Variants in DBT observed in about 807,000 individuals in gnomAD.
DBT encodes the protein dihydrolipoamide branched chain transacylase E2.
Under a neutral mutation model 51.3 loss-of-function variants are expected in DBT, and 40 were observed. The observed-to-expected ratio is 0.78, with a 90% CI of 0.61 to 1.02. The LOEUF (loss-of-function observed/expected upper bound fraction) is 1.02. Among genes scored for constraint, DBT ranks in the 50% least tolerant of loss-of-function variants. DBT has a pLI of 0.00. For missense variants in DBT, 510 were observed against 580.2 expected, an observed-to-expected ratio of 0.88 and a Z score of 1.24; for synonymous variants, 181 against 190.4, an observed-to-expected ratio of 0.95 and a Z score of 0.41.
intron 2 of DBT, among the ~76,000 whole-genome samples, chr1:100,240,046 C>A (rs1329217570): frequency 6.6e-6 from 1 of 152,032 alleles, no homozygotes; most frequent in Non-Finnish European, 1.5e-5. Flanking sequence ...AAAAACAGTT[C>A]TTGTGCCCTT....
chr1:100,225,421 A>G (rs1237684956), intron 4 of DBT, among the ~76,000 whole-genome samples: 1 of 152,084 alleles, frequency 6.6e-6, no homozygotes, highest in Non-Finnish European at 1.5e-5. Context: ...GTGAAAAAAA[A>G]TTCTCCAGAA....
intron 8 of DBT, 130 bp downstream of exon 8, chr1:100,210,564 T>C (rs1662076294): frequency 8.0e-7 from 1 of 1,257,836 alleles, no homozygotes; most frequent in Non-Finnish European, 1.1e-6. Context: ...AGTTTAATGT[T>C]TTACCCCATA....
chr1:100,196,124 G>T lies in DBT; in HGVS notation c.*131C>A. ...GTCTAATAGAACAGTGACAAATATT[G>T]TGCCTTAGATCCTTAATCATACGAT... is the stretch of plus-strand genomic sequence containing the variant. On this transcript the variant is annotated 3_prime_UTR_variant, in exon 11 of 11. Transcript: ENST00000370132. The T allele has an allele frequency of 1.2e-6, 1 of 819,806 alleles. No homozygotes were observed. The highest frequency in any genetic ancestry group is 2.0e-6 in the Non-Finnish European group (1 of 491,296). The allele number at this position is 819,806 out of a possible 1,614,324, so 50.8% of individuals were successfully genotyped here. A position where few individuals can be genotyped will look rare whatever the true frequency, so the allele number is the denominator to read the frequency against.
At chr1:100,208,868 A>G (rs1661956327) in intron 8 of DBT, among the ~76,000 whole-genome samples, 1 of 146,864 alleles carries the variant, frequency 6.8e-6, no homozygotes, top group African/African-American at 2.5e-5. Flanking sequence ...GATATTCTCT[A>G]TGGGGAATAC....
At chr1:100,199,470 G>A (rs1661304922) in intron 10 of DBT, among the ~76,000 whole-genome samples, 1 of 152,186 alleles carries the variant, frequency 6.6e-6, no homozygotes, top group South Asian at 2.1e-4. Context: ...CTCAATATCT[G>A]TGCCTGGCAT....
chr1:100,233,611 C>G (rs1347316637), intron 3 of DBT, among the ~76,000 whole-genome samples: 1 of 152,198 alleles, frequency 6.6e-6, no homozygotes, highest in Non-Finnish European at 1.5e-5. Flanking sequence ...ATTTACTCAG[C>G]AAGGCCATTT....
In DBT at chr1:100,190,871, A is replaced by T. The variant is rs1226833333; in HGVS notation, c.*5384T>A. The T allele has an allele frequency of 1.3e-5, 2 of 152,222 alleles. No individual in the cohort carries two copies. Among genetic ancestry groups the T allele is most frequent in the African/African-American group, 4.8e-5 (2 of 41,450 alleles). The allele number at this position is 152,222 out of a possible 1,614,324, so 9.4% of individuals were successfully genotyped here. A position where few individuals can be genotyped will look rare whatever the true frequency, so the allele number is the denominator to read the frequency against. ...GGTAGGTGCTTAAAATTAGAAGAAA[A>T]GACCCGAACAGGTACTGTAAAGAGT... On this transcript the variant is annotated 3_prime_UTR_variant, in exon 11 of 11. Transcript: ENST00000370132.
chr1:100,207,658 C>CA (rs1008869944), intron 8 of DBT, among the ~76,000 whole-genome samples: 30 of 151,902 alleles, frequency 2.0e-4, no homozygotes, highest in African/African-American at 6.5e-4. Context: ...TCCATCTCTA[C>CA]AAAAAAATTT....
chr1:100,197,383 G>A lies in DBT; in HGVS notation c.1282-961C>T, dbSNP rs545477753. Among the ~76,000 whole-genome samples the A allele has an allele frequency of 3.0e-3, 454 of 152,304 alleles. 2 individuals carry two copies. Among genetic ancestry groups the A allele is most frequent in the Non-Finnish European group, 4.7e-3 (321 of 68,022 alleles). ...GATTGGCCATTCACTGAAAGAGGAC[G>A]ACTTTAGGAGGAGCAGGTCTGATGG... is the stretch of plus-strand genomic sequence containing the variant. On this transcript the variant is annotated intron_variant, in intron 10 of 10. Transcript: ENST00000370132.
At chr1:100,235,311 T>C (rs1048923543) in intron 3 of DBT, 125 bp downstream of exon 3, 28 of 597,580 alleles carry the variant, frequency 4.7e-5, no homozygotes, top group Non-Finnish European at 8.5e-5. Flanking sequence ...GCATTATGTG[T>C]TTATAAAGAC....
intron 7 of DBT, among the ~76,000 whole-genome samples, chr1:100,212,217 G>T (rs1662192617): frequency 6.6e-6 from 1 of 152,206 alleles, no homozygotes; most frequent in Admixed American, 6.5e-5. Context: ...CAAGGTATGT[G>T]TCAATGGATT....
chr1:100,237,603 G>A (rs1182195530), intron 2 of DBT, among the ~76,000 whole-genome samples: 1 of 152,088 alleles, frequency 6.6e-6, no homozygotes, highest in Non-Finnish European at 1.5e-5. Context: ...GAAGCAGGAG[G>A]CTACTTCAGG....
chr1:100,228,914 C>T (rs1261507758), intron 4 of DBT, among the ~76,000 whole-genome samples: 1 of 152,142 alleles, frequency 6.6e-6, no homozygotes, highest in Non-Finnish European at 1.5e-5. Flanking sequence ...GAATGATATA[C>T]ACGAATGCAT....
At chr1:100,244,757 A>G (rs906677266) in intron 1 of DBT, among the ~76,000 whole-genome samples, 1 of 152,116 alleles carries the variant, frequency 6.6e-6, no homozygotes, top group African/African-American at 2.4e-5. Context: ...ATAATAATAT[A>G]CTGTAATAAA....
chr1:100,216,735 G>A (rs1242963813), intron 5 of DBT, among the ~76,000 whole-genome samples: 1 of 152,168 alleles, frequency 6.6e-6, no homozygotes, highest in African/African-American at 2.4e-5. Flanking sequence ...TCTGACACTG[G>A]CTACCAGTTA....
intron 1 of DBT, among the ~76,000 whole-genome samples, chr1:100,241,975 C>T (rs1197090751): frequency 2.6e-5 from 4 of 151,584 alleles, no homozygotes; most frequent in East Asian, 1.9e-4. Context: ...GAGCCGGGAT[C>T]GAGCCACTGC....
intron 3 of DBT, among the ~76,000 whole-genome samples, chr1:100,233,740 T>C (rs148689055): frequency 3.9e-5 from 6 of 152,294 alleles, no homozygotes; most frequent in African/African-American, 9.6e-5. Context: ...CCAATTTCCA[T>C]TGGCTGGAAT....
At chr1:100,210,486 T>A in intron 8 of DBT, 1 of 649,198 alleles carries the variant, frequency 1.5e-6, no homozygotes, top group Non-Finnish European at 2.4e-6. Flanking sequence ...AAAAAAAGCT[T>A]AAAAATAGTT....
rs202047153 is a variant in DBT, at chr1:100,240,911, A to T, written c.52-27T>A. On this transcript the variant is annotated intron_variant, in intron 1 of 10. Coordinates refer to ENST00000370132, the MANE Select transcript of DBT (RefSeq NM_001918.5). ...TACAGATGAGAAAACAAAAAGTAAA[A>T]GCATTTATAAACAACCATACCGGCT... 373 of 1,609,218 alleles carry T rather than the reference A, an allele frequency of 2.3e-4. 3 individuals are homozygous for T. The highest frequency in any genetic ancestry group is 4.9e-4 in the Middle Eastern group (3 of 6,068).
Sources: gnomAD v4.1 joint callset for allele counts (sites outside exome capture counted in the v4.1 genomes callset) on GRCh38, gnomAD v4.1.1 for gene constraint, MANE v1.5 for transcripts, NCBI Gene and HGNC (gene_info 2026-07-23, HGNC 2026-07-21) for gene names.